TNFAIP8: variants seen among roughly 807,000 people sequenced by gnomAD.
TNFAIP8 encodes TNF alpha induced protein 8.
A neutral mutation model predicts 13.3 loss-of-function variants in TNFAIP8; 7 were observed. That is an observed-to-expected ratio of 0.52 (90% confidence interval 0.30 to 0.99). The LOEUF (loss-of-function observed/expected upper bound fraction) is 0.99. Ranked by LOEUF, TNFAIP8 falls within the 50% of genes least tolerant of loss-of-function variation. The pLI is 0.07. For synonymous variants in TNFAIP8, 94 were observed against 87.6 expected (o/e 1.07, Z -0.41); for missense variants, 258 against 236.9 (o/e 1.09, Z -0.58).
chr5:119,302,050 G>GTT (rs953873293), intron 1 of TNFAIP8, among the ~76,000 whole-genome samples: 26 of 152,296 alleles, frequency 1.7e-4, no homozygotes, highest in African/African-American at 5.5e-4. Context: ...AATAGTTTTA[G>GTT]TTGTTTCAGT....
intron 1 of TNFAIP8, among the ~76,000 whole-genome samples, chr5:119,288,002 G>A (rs754071693): frequency 5.9e-5 from 9 of 152,140 alleles, no homozygotes; most frequent in Non-Finnish European, 1.3e-4. Context: ...GTCTGATGAG[G>A]TGAGATGTTA....
At chr5:119,277,753 C>G (rs1386367035) in intron 1 of TNFAIP8, among the ~76,000 whole-genome samples, 2 of 152,082 alleles carry the variant, frequency 1.3e-5, no homozygotes, top group Admixed American at 1.3e-4. Flanking sequence ...TTCCACAGTT[C>G]TGGGGGCTGG....
At chr5:119,361,939 T>G (rs1751650919) in intron 1 of TNFAIP8, among the ~76,000 whole-genome samples, 1 of 152,286 alleles carries the variant, frequency 6.6e-6, no homozygotes, top group Non-Finnish European at 1.5e-5. Flanking sequence ...TTAACTGAGA[T>G]AGCACCTCCT....
At chr5:119,330,560 T>A (rs1376538598) in intron 1 of TNFAIP8, among the ~76,000 whole-genome samples, 1 of 152,156 alleles carries the variant, frequency 6.6e-6, no homozygotes, top group Admixed American at 6.5e-5. Context: ...CCTGTCCTAT[T>A]GTGCAGGGTC....
intron 1 of TNFAIP8, among the ~76,000 whole-genome samples, chr5:119,288,475 A>T (rs1457471176): frequency 6.6e-6 from 1 of 152,232 alleles, no homozygotes; most frequent in Non-Finnish European, 1.5e-5. Context: ...AATCAATGGG[A>T]TTAAGGTCTT....
intron 1 of TNFAIP8, among the ~76,000 whole-genome samples, chr5:119,307,534 T>C (rs1381865748): frequency 6.6e-6 from 1 of 152,240 alleles, no homozygotes; most frequent in East Asian, 1.9e-4. Context: ...TCTGGAAAGA[T>C]GGATAGATGC....
At chr5:119,362,662 G>A (rs1479896281) in intron 1 of TNFAIP8, among the ~76,000 whole-genome samples, 1 of 151,956 alleles carries the variant, frequency 6.6e-6, no homozygotes. Flanking sequence ...TAGGCACAGT[G>A]GAATGCACCT....
At chr5:119,294,010 C>A (rs1168329594) in intron 1 of TNFAIP8, among the ~76,000 whole-genome samples, 1 of 151,990 alleles carries the variant, frequency 6.6e-6, no homozygotes, top group South Asian at 2.1e-4. Flanking sequence ...TCACTTTTAA[C>A]GTGTTAGCTC....
At chr5:119,292,651 T>TAC (rs1749024198) in intron 1 of TNFAIP8, among the ~76,000 whole-genome samples, 1 of 22,490 alleles carries the variant, frequency 4.4e-5, no homozygotes, top group Admixed American at 4.5e-4. Context: ...GTAGCATATA[T>TAC]ATATATATAT....
intron 1 of TNFAIP8, among the ~76,000 whole-genome samples, chr5:119,308,854 C>CA (rs61628819): frequency 0.044 from 2,489 of 57,208 alleles, 44 homozygotes; most frequent in African/African-American, 0.051. Flanking sequence ...GACTCCATCT[C>CA]AAAAAAAAAA....
At chr5:119,325,534 GCCTC>G in intron 1 of TNFAIP8, among the ~76,000 whole-genome samples, 1 of 152,186 alleles carries the variant, frequency 6.6e-6, no homozygotes, top group Non-Finnish European at 1.5e-5. Flanking sequence ...TGCAAGCTCT[GCCTC>G]CCGGGCTCAC....
chr5:119,305,783 C>T (rs139807409), intron 1 of TNFAIP8, among the ~76,000 whole-genome samples: 53 of 152,296 alleles, frequency 3.5e-4, no homozygotes, highest in African/African-American at 1.1e-3. Flanking sequence ...ATGGAAATTA[C>T]TTTGCTGAGG....
chr5:119,301,339 C>A (rs1017941214), intron 1 of TNFAIP8, among the ~76,000 whole-genome samples: 2 of 152,146 alleles, frequency 1.3e-5, no homozygotes, highest in East Asian at 3.9e-4. Flanking sequence ...TGGCTTGTTC[C>A]CAGTGACTAT....
intron 1 of TNFAIP8, chr5:119,333,497 C>A: frequency 6.7e-7 from 1 of 1,487,290 alleles, no homozygotes; most frequent in Non-Finnish European, 8.9e-7. Flanking sequence ...ACTGAGTCTC[C>A]CCGAGGGTGA....
chr5:119,280,720 T>C (rs1214560414), intron 1 of TNFAIP8, among the ~76,000 whole-genome samples: 1 of 152,212 alleles, frequency 6.6e-6, no homozygotes, highest in Non-Finnish European at 1.5e-5. Flanking sequence ...ACTCTAATTC[T>C]ATCATTTTGA....
chr5:119,271,688 A>G (rs1179931369), intron 1 of TNFAIP8, among the ~76,000 whole-genome samples: 1 of 152,214 alleles, frequency 6.6e-6, no homozygotes, highest in Non-Finnish European at 1.5e-5. Flanking sequence ...GCCAATCTGG[A>G]TAACAAAGTG....
chr5:119,348,386 G>A (rs762521748), intron 1 of TNFAIP8, among the ~76,000 whole-genome samples: 9 of 152,222 alleles, frequency 5.9e-5, no homozygotes, highest in Non-Finnish European at 1.3e-4. Context: ...AGTGGTTAGA[G>A]TGGAAATAAT....
chr5:119,365,982 A>T (rs146604148), intron 1 of TNFAIP8, among the ~76,000 whole-genome samples: 1 of 152,106 alleles, frequency 6.6e-6, no homozygotes, highest in African/African-American at 2.4e-5. Context: ...CAGATTTCAC[A>T]GTTCTGCAGG....
intron 1 of TNFAIP8, among the ~76,000 whole-genome samples, chr5:119,346,694 G>A (rs1027071514): frequency 2.0e-5 from 3 of 152,124 alleles, no homozygotes; most frequent in African/African-American, 7.2e-5. Flanking sequence ...AACACAATAT[G>A]TTAAACTGTG....
Sources: gnomAD v4.1 joint callset for allele counts (sites outside exome capture counted in the v4.1 genomes callset) on GRCh38, gnomAD v4.1.1 for gene constraint, MANE v1.5 for transcripts, NCBI Gene and HGNC (gene_info 2026-07-23, HGNC 2026-07-21) for gene names.